The following RNLS variants were observed in gnomAD, a reference collection of about 807,000 sequenced individuals.
RNLS encodes renalase.
RNLS carries 39 observed loss-of-function variants against 39.8 expected under a neutral mutation model. The ratio of observed to expected loss-of-function variants is 0.98; its 90% CI spans 0.76 to 1.28. RNLS has a LOEUF of 1.28. Ranked by LOEUF, RNLS falls within the 50% of genes most tolerant of loss-of-function variation. The pLI is 0.00. For synonymous variants in RNLS, 147 were observed against 150.7 expected (o/e 0.98, Z 0.18); for missense variants, 410 against 413.3 (o/e 0.99, Z 0.07).
intron 4 of RNLS, among the ~76,000 whole-genome samples, chr10:88,479,996 T>A (rs1300140916): frequency 1.3e-5 from 2 of 152,166 alleles, no homozygotes; most frequent in African/African-American, 4.8e-5. Context: ...TGCCTATTAG[T>A]TTGAGCTCTT....
chr10:88,354,758 G>T (rs1449056891), intron 5 of RNLS, among the ~76,000 whole-genome samples: 1 of 152,122 alleles, frequency 6.6e-6, no homozygotes, highest in Non-Finnish European at 1.5e-5. Flanking sequence ...TTGAATGTTG[G>T]CCTGCTTTGC....
the RNLS span, chr10:88,258,985 AT>A: frequency 6.6e-6 from 1 of 152,224 alleles, no homozygotes; most frequent in Non-Finnish European, 1.5e-5. Flanking sequence ...GATGCCCTGG[AT>A]TTCCCTCACA....
At chr10:88,187,167 AAT>A in the RNLS span, among the ~76,000 whole-genome samples, 11 of 50,378 alleles carry the variant, frequency 2.2e-4, no homozygotes, top group South Asian at 1.2e-3. Flanking sequence ...TAATATATAT[AAT>A]ATATATATAA....
chr10:88,523,542 C>G (rs1052573196), intron 4 of RNLS, among the ~76,000 whole-genome samples: 1 of 152,056 alleles, frequency 6.6e-6, no homozygotes, highest in Non-Finnish European at 1.5e-5. Context: ...GTTCCAAGCT[C>G]AGAAACATTT....
intron 6 of RNLS, among the ~76,000 whole-genome samples, chr10:88,297,070 A>C (rs1844145025): frequency 6.6e-6 from 1 of 152,188 alleles, no homozygotes; most frequent in Non-Finnish European, 1.5e-5. Context: ...TATTTCCACT[A>C]TTCAGCAATT....
At chr10:88,312,123 A>G (rs1845429992) in intron 6 of RNLS, among the ~76,000 whole-genome samples, 1 of 152,244 alleles carries the variant, frequency 6.6e-6, no homozygotes, top group African/African-American at 2.4e-5. Context: ...TGTTACGTCA[A>G]TGGAAAGGAA....
intron 6 of RNLS, among the ~76,000 whole-genome samples, chr10:88,307,747 T>A (rs749053522): frequency 1.3e-5 from 2 of 152,214 alleles, no homozygotes; most frequent in Non-Finnish European, 2.9e-5. Context: ...AAAATGGCGA[T>A]GCTGCCCACA....
chr10:88,539,626 AC>A (rs1847942397), intron 4 of RNLS, among the ~76,000 whole-genome samples: 1 of 152,124 alleles, frequency 6.6e-6, no homozygotes, highest in African/African-American at 2.4e-5. Context: ...AGCCTCTGGA[AC>A]CACAGTTATC....
At chr10:88,464,477 G>A (rs1013083198) in intron 4 of RNLS, among the ~76,000 whole-genome samples, 3 of 152,084 alleles carry the variant, frequency 2.0e-5, no homozygotes, top group Non-Finnish European at 2.9e-5. Flanking sequence ...TGGAAGCAGA[G>A]CATACCTACA....
intron 4 of RNLS, among the ~76,000 whole-genome samples, chr10:88,440,948 C>T (rs1841675985): frequency 6.6e-6 from 1 of 152,136 alleles, no homozygotes; most frequent in African/African-American, 2.4e-5. Flanking sequence ...AGGGAATCAT[C>T]AGTGTACACG....
the RNLS span, among the ~76,000 whole-genome samples, chr10:88,185,425 A>G: frequency 6.6e-6 from 1 of 151,972 alleles, no homozygotes; most frequent in African/African-American, 2.4e-5. Flanking sequence ...GTTTTTTTAA[A>G]TTCAATCTTT....
chr10:88,554,911 C>T (rs758212229), intron 4 of RNLS, among the ~76,000 whole-genome samples: 2 of 152,162 alleles, frequency 1.3e-5, no homozygotes, highest in Non-Finnish European at 2.9e-5. Context: ...CATCTTCTAA[C>T]AGCCTAATTA....
the RNLS span, among the ~76,000 whole-genome samples, chr10:88,210,437 A>T: frequency 2.0e-5 from 3 of 152,110 alleles, no homozygotes; most frequent in Non-Finnish European, 4.4e-5. Context: ...ACAACATTTG[A>T]CTCTGAATGC....
At chr10:88,276,094 A>C (rs1054264482) in intron 6 of RNLS, among the ~76,000 whole-genome samples, 3 of 152,126 alleles carry the variant, frequency 2.0e-5, no homozygotes, top group African/African-American at 7.2e-5. Flanking sequence ...GAATAATAAA[A>C]AACAAAAAAT....
At chr10:88,477,417 G>T (rs1843880674) in intron 4 of RNLS, among the ~76,000 whole-genome samples, 3 of 152,086 alleles carry the variant, frequency 2.0e-5, no homozygotes, top group African/African-American at 7.2e-5. Flanking sequence ...GAGAAAGATG[G>T]TGAAGACAGA....
chr10:88,417,499 C>G (rs1455594790), intron 4 of RNLS, among the ~76,000 whole-genome samples: 1 of 152,146 alleles, frequency 6.6e-6, no homozygotes, highest in Non-Finnish European at 1.5e-5. Context: ...AAACAGTCTA[C>G]TACGTTAATT....
Position 88,303,967 on chromosome 10 carries a change from G to T in RNLS, c.876+10499C>A, listed in dbSNP as rs116374261. 2.6e-3 allele frequency among the ~76,000 whole-genome samples: 393 copies of T among 152,342 alleles called. 3 individuals are homozygous for T. Among genetic ancestry groups the T allele is most frequent in the African/African-American group, 8.1e-3 (335 of 41,578 alleles). ...CATCTGCTAATACTCTGCTGCAGCA[G>T]CCATACCTTGGTCCCACCATCACAG... On this transcript the variant is annotated intron_variant, in intron 6 of 6. Coordinates refer to ENST00000331772, the MANE Select transcript of RNLS (RefSeq NM_001031709.3).
chr10:88,409,685 G>A (rs998333771), intron 4 of RNLS, among the ~76,000 whole-genome samples: 3 of 152,092 alleles, frequency 2.0e-5, no homozygotes, highest in African/African-American at 4.8e-5. Flanking sequence ...AACATACATG[G>A]TGGTGAGTAA....
the RNLS span, among the ~76,000 whole-genome samples, chr10:88,220,028 A>C: frequency 6.6e-6 from 1 of 152,112 alleles, no homozygotes; most frequent in Non-Finnish European, 1.5e-5. Flanking sequence ...CTTCCCACTG[A>C]ACAAGCTGGT....
Sources: gnomAD v4.1 joint callset for allele counts (sites outside exome capture counted in the v4.1 genomes callset) on GRCh38, gnomAD v4.1.1 for gene constraint, MANE v1.5 for transcripts, NCBI Gene and HGNC (gene_info 2026-07-23, HGNC 2026-07-21) for gene names.